FIBCD1: variants seen among roughly 807,000 people sequenced by gnomAD.
The protein encoded by FIBCD1 is fibrinogen C domain containing 1.
In FIBCD1, 47 loss-of-function variants were observed where a neutral mutation model predicts 45.1. The ratio of observed to expected loss-of-function variants is 1.04; its 90% CI spans 0.82 to 1.33. The LOEUF is 1.33. FIBCD1 is among the 40% of genes most tolerant of loss of function. The pLI, the probability that FIBCD1 is intolerant of heterozygous loss-of-function variation, is 0.00. For synonymous variants in FIBCD1, 313 were observed against 308.1 expected (o/e 1.02, Z -0.17); for missense variants, 653 against 682.2 (o/e 0.96, Z 0.48).
intron 5 of FIBCD1, among the ~76,000 whole-genome samples, chr9:130,911,333 C>G (rs528006891): frequency 1.3e-5 from 2 of 151,938 alleles, no homozygotes; most frequent in Non-Finnish European, 2.9e-5. Context: ...TCAGTGAGAC[C>G]AAGAACCCAC....
At chr9:130,936,122 C>G (rs1183088419) in intron 1 of FIBCD1, 4 of 152,340 alleles carry the variant, frequency 2.6e-5, no homozygotes, top group Non-Finnish European at 4.4e-5. Context: ...GCCCCCATAA[C>G]AGCCCTTGTG....
At chr9:130,911,258 C>T (rs1199468881) in intron 5 of FIBCD1, among the ~76,000 whole-genome samples, 1 of 152,204 alleles carries the variant, frequency 6.6e-6, no homozygotes, top group East Asian at 1.9e-4. Context: ...AAGAAAAAAA[C>T]TCCAGGCGCG....
chr9:130,904,362 C>T (rs761929383), intron 6 of FIBCD1, 39 bp from the exon 7 acceptor site: 9 of 1,563,002 alleles, frequency 5.8e-6, no homozygotes, highest in South Asian at 4.8e-5. Flanking sequence ...ACGGGGGGCA[C>T]GGGTACACCC....
At chr9:130,940,671 C>T (rs988810319), upstream of FIBCD1, among the ~76,000 whole-genome samples, 9 of 152,230 alleles carry the variant, frequency 5.9e-5, no homozygotes, top group Non-Finnish European at 8.8e-5. Context: ...TGCCACAGTG[C>T]ATCACAGCAC....
At chr9:130,916,843 AT>A (rs1266084935) in intron 4 of FIBCD1, among the ~76,000 whole-genome samples, 1 of 152,250 alleles carries the variant, frequency 6.6e-6, no homozygotes, top group African/African-American at 2.4e-5. Context: ...CACGCCTGTA[AT>A]CCCAGCACTT....
At chr9:130,917,823 C>A (rs1447287424) in intron 4 of FIBCD1, among the ~76,000 whole-genome samples, 2 of 152,152 alleles carry the variant, frequency 1.3e-5, no homozygotes, top group African/African-American at 4.8e-5. Flanking sequence ...GAGGAGTGGG[C>A]AACCCAGGTG....
intron 1 of FIBCD1, among the ~76,000 whole-genome samples, chr9:130,934,205 CAT>C (rs1261238601): frequency 1.3e-5 from 2 of 152,172 alleles, no homozygotes; most frequent in Non-Finnish European, 2.9e-5. Flanking sequence ...CCGGCTGGCA[CAT>C]GGCTGGGCAC....
At chr9:130,924,948 C>T (rs963355528) in intron 2 of FIBCD1, among the ~76,000 whole-genome samples, 1 of 152,216 alleles carries the variant, frequency 6.6e-6, no homozygotes, top group Non-Finnish European at 1.5e-5. Context: ...CAAGTTCCCA[C>T]AGCACCTTCC....
At chr9:130,909,875 G>T (rs187415235) in intron 5 of FIBCD1, among the ~76,000 whole-genome samples, 3 of 152,348 alleles carry the variant, frequency 2.0e-5, no homozygotes, top group Admixed American at 6.5e-5. Context: ...GCCAGGCAGG[G>T]ACTGTGTCCC....
intron 2 of FIBCD1, among the ~76,000 whole-genome samples, chr9:130,924,748 G>A (rs1832329579): frequency 6.6e-6 from 1 of 152,202 alleles, no homozygotes; most frequent in Non-Finnish European, 1.5e-5. Context: ...TGCCAGGTGG[G>A]GAGAGAGTGC....
At chr9:130,911,946 C>A (rs1448466634) in intron 4 of FIBCD1, 58 bp from the exon 5 acceptor site, 2 of 1,452,138 alleles carry the variant, frequency 1.4e-6, no homozygotes, top group African/African-American at 2.8e-5. Flanking sequence ...ACTCGCAGCC[C>A]ACCTGGGCCC....
intron 5 of FIBCD1, among the ~76,000 whole-genome samples, chr9:130,909,145 A>G (rs890624120): frequency 6.6e-6 from 1 of 151,890 alleles, no homozygotes; most frequent in African/African-American, 2.4e-5. Context: ...GGAGTTCCTC[A>G]GATGTCCACA....
At chr9:130,938,047 C>G (rs1252167125) in intron 1 of FIBCD1, 1 of 152,990 alleles carries the variant, frequency 6.5e-6, no homozygotes, top group South Asian at 2.1e-4. Context: ...TGATCCCCTA[C>G]TGTATGCAGG....
In FIBCD1 at chr9:130,902,966, G is replaced by C. The variant is rs182521928; in HGVS notation, c.*1098C>G. The C allele has an allele frequency of 1.0e-4, 16 of 152,488 alleles. No homozygotes were observed. The highest frequency in any genetic ancestry group is 3.9e-4 in the African/African-American group (16 of 41,476). 9.4% of individuals were successfully genotyped at this position (152,488 alleles called of 1,614,324 possible). ...CCCCCGACCCCATTTGCCCGGTGAG[G>C]TGGTCCCTGTCCCTTGACCACTCGC... On this transcript the variant is annotated 3_prime_UTR_variant, in exon 7 of 7. Transcript: ENST00000372338.
At chr9:130,916,211 G>T (rs1294572879) in intron 4 of FIBCD1, among the ~76,000 whole-genome samples, 5 of 152,230 alleles carry the variant, frequency 3.3e-5, no homozygotes, top group Non-Finnish European at 7.3e-5. Context: ...TTATAGGCGT[G>T]AGCCACCGCG....
intron 5 of FIBCD1, 87 bp downstream of exon 5, chr9:130,911,705 C>G (rs1197171606): frequency 1.6e-6 from 2 of 1,248,768 alleles, no homozygotes; most frequent in South Asian, 1.3e-5. Flanking sequence ...CAGCCCAAAC[C>G]CATTCAGGGA....
chr9:130,911,270 TACCTTAAGAGCTATA>T (rs1832037975), intron 5 of FIBCD1, among the ~76,000 whole-genome samples: 2 of 152,044 alleles, frequency 1.3e-5, no homozygotes, highest in East Asian at 3.9e-4. Context: ...CCAGGCGCGC[TACCTTAAGAGCTATA>T]ACACTCACCA....
chr9:130,926,481 G>C lies in FIBCD1; in HGVS notation c.553-2085C>G, dbSNP rs1399502726. ...ACTGCTTAGCTGTGTGAGTGAGCTT[G>C]CACACGCACCTGTCACTCAGAGCCT... is the stretch of plus-strand genomic sequence containing the variant. On this transcript the variant is annotated intron_variant, in intron 2 of 6. Coordinates refer to ENST00000372338, the MANE Select transcript of FIBCD1 (RefSeq NM_032843.5). This position sits in a 1 kb window ranked among gnomAD's most constrained non-coding sequence, Gnocchi z 4.1. 6.6e-6 allele frequency among the ~76,000 whole-genome samples: 1 copy of C among 152,182 alleles called. No individual in the cohort carries two copies. The highest frequency in any genetic ancestry group is 1.5e-5 in the Non-Finnish European group (1 of 68,044).
chr9:130,910,112 G>C (rs533619226), intron 5 of FIBCD1, among the ~76,000 whole-genome samples: 2 of 152,372 alleles, frequency 1.3e-5, no homozygotes, highest in Non-Finnish European at 2.9e-5. Context: ...CTTGCAGGGA[G>C]GGGTGGAGGG....
Sources: allele counts gnomAD v4.1 joint callset (sites outside exome capture counted in the v4.1 genomes callset), GRCh38; gene constraint gnomAD v4.1.1; non-coding constraint Gnocchi (gnomAD v3.1); transcripts MANE v1.5; gene names NCBI Gene and HGNC (gene_info 2026-07-23, HGNC 2026-07-21).